Variants in PSD3 observed in about 807,000 individuals in gnomAD.
PSD3 encodes the protein PH and SEC7 domain-containing protein 3.
In PSD3, 49 loss-of-function variants were observed where a neutral mutation model predicts 105.5. The ratio of observed to expected loss-of-function variants is 0.46; its 90% confidence interval spans 0.37 to 0.59. The LOEUF (loss-of-function observed/expected upper bound fraction) is 0.59, where lower values mean the gene tolerates loss of function less well. PSD3 is among the 20% of genes least tolerant of loss of function. PSD3 has a pLI of 0.00. For synonymous variants in PSD3, 557 were observed against 457.8 expected, an observed-to-expected ratio of 1.22 and a Z score of -2.77; for missense variants, 1,561 against 1,263.8, an observed-to-expected ratio of 1.24 and a Z score of -3.57.
chr8:18,780,570 G>A (rs1242617954), intron 8 of PSD3, among the ~76,000 whole-genome samples: 1 of 151,362 alleles, frequency 6.6e-6, no homozygotes, highest in Non-Finnish European at 1.5e-5. Context: ...ATTTTTTTGT[G>A]AGACCGACAC....
intron 9 of PSD3, among the ~76,000 whole-genome samples, chr8:18,719,113 C>T (rs781004242): frequency 6.6e-6 from 1 of 152,122 alleles, no homozygotes; most frequent in Non-Finnish European, 1.5e-5. Context: ...GCTGTGACTT[C>T]GGATAGTCCC....
chr8:18,979,395 C>A (rs1209427193), intron 1 of PSD3, among the ~76,000 whole-genome samples: 2 of 152,184 alleles, frequency 1.3e-5, no homozygotes, highest in African/African-American at 4.8e-5. Context: ...TCTTAGGGAG[C>A]ACATTCTTAC....
At chr8:18,634,678 A>C (rs1334004947) in intron 10 of PSD3, among the ~76,000 whole-genome samples, 1 of 152,120 alleles carries the variant, frequency 6.6e-6, no homozygotes. Flanking sequence ...CTTGTAGAAT[A>C]TCCTCAGTTT....
At chr8:18,636,806 T>C (rs988905965) in intron 10 of PSD3, among the ~76,000 whole-genome samples, 13 of 152,222 alleles carry the variant, frequency 8.5e-5, no homozygotes, top group African/African-American at 3.1e-4. Flanking sequence ...CTAGGAGCAA[T>C]AGGCTATACC....
At chr8:18,768,398 G>C (rs549406694) in intron 8 of PSD3, among the ~76,000 whole-genome samples, 2 of 152,266 alleles carry the variant, frequency 1.3e-5, no homozygotes, top group African/African-American at 4.8e-5. Context: ...TTGAGCCTGG[G>C]AGATCAAGAC....
chr8:18,905,144 A>G (rs1819757377), intron 2 of PSD3, among the ~76,000 whole-genome samples: 1 of 152,204 alleles, frequency 6.6e-6, no homozygotes, highest in South Asian at 2.1e-4. Context: ...GCTGTTAACC[A>G]TTACAAAAAG....
intron 2 of PSD3, among the ~76,000 whole-genome samples, chr8:18,933,283 C>T (rs1268226995): frequency 1.3e-5 from 2 of 151,748 alleles, no homozygotes; most frequent in Admixed American, 6.6e-5. Flanking sequence ...TCAAAACCCA[C>T]GAGTAAGGAA....
chr8:18,990,081 C>G (rs1311297956), intron 1 of PSD3, among the ~76,000 whole-genome samples: 1 of 152,196 alleles, frequency 6.6e-6, no homozygotes, highest in African/African-American at 2.4e-5. Flanking sequence ...TTGTCTGTAT[C>G]ACAGCTGCCA....
intron 10 of PSD3, among the ~76,000 whole-genome samples, chr8:18,633,416 C>A (rs76825949): frequency 2.0e-5 from 3 of 152,024 alleles, no homozygotes; most frequent in African/African-American, 4.8e-5. Flanking sequence ...CTTTCTCAAC[C>A]GCCATAAAAA....
At chr8:19,072,286 C>T (rs1350871447) in intron 1 of PSD3, among the ~76,000 whole-genome samples, 18 of 149,796 alleles carry the variant, frequency 1.2e-4, no homozygotes, top group Non-Finnish European at 2.2e-4. Context: ...GTGATTTCAC[C>T]ATGTTTGTCA....
chr8:18,652,113 G>A (rs1015084799), intron 10 of PSD3, among the ~76,000 whole-genome samples: 1 of 152,164 alleles, frequency 6.6e-6, no homozygotes, highest in African/African-American at 2.4e-5. Flanking sequence ...AGGTAAGCCG[G>A]AAACGCTGGT....
intron 1 of PSD3, among the ~76,000 whole-genome samples, chr8:18,994,558 G>A (rs889026379): frequency 6.6e-6 from 1 of 151,994 alleles, no homozygotes; most frequent in Non-Finnish European, 1.5e-5. Flanking sequence ...CTGAAATATG[G>A]CAGATGTGCT....
At chr8:18,745,075 A>G (rs575184825) in intron 9 of PSD3, among the ~76,000 whole-genome samples, 2 of 152,210 alleles carry the variant, frequency 1.3e-5, no homozygotes, top group Non-Finnish European at 2.9e-5. Context: ...CATGATGTTG[A>G]GATGCCTTGC....
chr8:18,819,042 C>A (rs961593855), intron 4 of PSD3, among the ~76,000 whole-genome samples: 16 of 145,230 alleles, frequency 1.1e-4, no homozygotes, highest in African/African-American at 4.0e-4. Flanking sequence ...GCCACAAGGA[C>A]TTAAGAAAGT....
chr8:18,915,112 A>G (rs1002735372), intron 2 of PSD3, among the ~76,000 whole-genome samples: 3 of 152,176 alleles, frequency 2.0e-5, no homozygotes, highest in Admixed American at 1.3e-4. Flanking sequence ...AACATCAATG[A>G]ACAGTGCTGG....
At chr8:18,713,415 A>G (rs1184565473) in intron 9 of PSD3, among the ~76,000 whole-genome samples, 1 of 152,218 alleles carries the variant, frequency 6.6e-6, no homozygotes. Context: ...TCTTTACCTG[A>G]TAAGTCACTT....
chr8:18,838,271 A>C (rs951570877), intron 4 of PSD3, among the ~76,000 whole-genome samples: 21 of 152,308 alleles, frequency 1.4e-4, no homozygotes, highest in African/African-American at 5.1e-4. Flanking sequence ...ATCAAGAAAC[A>C]TTAAGTACGA....
At chr8:18,828,893 G>A (rs944461809) in intron 4 of PSD3, among the ~76,000 whole-genome samples, 1 of 152,144 alleles carries the variant, frequency 6.6e-6, no homozygotes, top group Non-Finnish European at 1.5e-5. Context: ...GAGGCCATGA[G>A]TTCAAGATCA....
At chr8:18,615,869 T>C (rs950223188) in intron 11 of PSD3, among the ~76,000 whole-genome samples, 1 of 152,028 alleles carries the variant, frequency 6.6e-6, no homozygotes, top group Non-Finnish European at 1.5e-5. Context: ...TTTCTACAAC[T>C]AGCAATTCAA....
Sources: allele counts gnomAD v4.1 joint callset (sites outside exome capture counted in the v4.1 genomes callset), GRCh38; gene constraint gnomAD v4.1.1; transcripts MANE v1.5; gene names NCBI Gene and HGNC (gene_info 2026-07-23, HGNC 2026-07-21).